Variants in TWIST2 observed in about 807,000 individuals in gnomAD.
TWIST2 encodes twist-related protein 2.
Under a neutral mutation model 11.6 loss-of-function variants are expected in TWIST2, and 1 was observed. The ratio of observed to expected loss-of-function variants is 0.09; its 90% CI spans 0.03 to 0.41. The LOEUF (loss-of-function observed/expected upper bound fraction) is 0.41, where lower values mean the gene tolerates loss of function less well. Among genes scored for constraint, TWIST2 ranks in the 10% least tolerant of loss-of-function variants. The probability of loss-of-function intolerance (pLI) is 0.98; values close to 1 mark genes in which losing one functional copy is unlikely to be tolerated. For synonymous variants in TWIST2, 87 were observed against 96.6 expected (o/e 0.90, Z 0.58); for missense variants, 168 against 226.4 (o/e 0.74, Z 1.66).
intron 1 of TWIST2, among the ~76,000 whole-genome samples, chr2:238,855,391 C>T (rs36156327): frequency 0.21 from 32,107 of 152,082 alleles, 3,878 homozygotes; most frequent in South Asian, 0.37. Context: ...ATTAATTTTC[C>T]TGAAATCAAA....
At chr2:238,885,488 C>T (rs1300715955) in intron 1 of TWIST2, among the ~76,000 whole-genome samples, 8 of 152,202 alleles carry the variant, frequency 5.3e-5, no homozygotes, top group African/African-American at 1.2e-4. Flanking sequence ...ACGTCTACTG[C>T]GTCAGCCATA....
chr2:238,857,334 A>G (rs1692350214), intron 1 of TWIST2, among the ~76,000 whole-genome samples: 1 of 152,200 alleles, frequency 6.6e-6, no homozygotes, highest in South Asian at 2.1e-4. Flanking sequence ...CGTGCTGATG[A>G]ATGTCTGAGC....
chr2:238,890,472 C>T (rs1693113544), intron 1 of TWIST2, among the ~76,000 whole-genome samples: 1 of 152,212 alleles, frequency 6.6e-6, no homozygotes, highest in African/African-American at 2.4e-5. Context: ...CCACACGATC[C>T]AGGTGATCCT....
intron 1 of TWIST2, among the ~76,000 whole-genome samples, chr2:238,900,651 A>G (rs1271055704): frequency 4.6e-5 from 7 of 152,070 alleles, no homozygotes; most frequent in Admixed American, 2.6e-4. Context: ...CTCGCTGGGT[A>G]TGGACTTTCG....
intron 1 of TWIST2, among the ~76,000 whole-genome samples, chr2:238,868,439 G>T (rs1014501987): frequency 2.2e-4 from 34 of 152,350 alleles, no homozygotes; most frequent in Middle Eastern, 6.8e-3. Context: ...CAGGGGCAGG[G>T]TGGAGAGCCT....
chr2:238,865,596 G>A (rs552280995), intron 1 of TWIST2, among the ~76,000 whole-genome samples: 13 of 152,162 alleles, frequency 8.5e-5, no homozygotes, highest in Non-Finnish European at 1.8e-4. Flanking sequence ...CCCACCTGGC[G>A]TCTCCTGGCT....
At chr2:238,883,577 A>G (rs1401576885) in intron 1 of TWIST2, among the ~76,000 whole-genome samples, 2 of 152,234 alleles carry the variant, frequency 1.3e-5, no homozygotes, top group East Asian at 1.9e-4. Flanking sequence ...TTTAACTCCA[A>G]TAGAAGGAGA....
In TWIST2 at chr2:238,864,364, C is replaced by G. The variant is rs979990492; in HGVS notation, c.*35+15631C>G. On this transcript the variant is annotated intron_variant, in intron 1 of 1. Coordinates refer to ENST00000612363, the MANE Select transcript of TWIST2 (RefSeq NM_001271893.4). This position sits in a 1 kb window ranked among gnomAD's most constrained non-coding sequence, Gnocchi z 4.7. ...CAAGAGGTTAACTGCCAGGGTTAGT[C>G]CCCTCCGCGGGCCTCCTGCATGAAT... 2.6e-5 allele frequency among the ~76,000 whole-genome samples: 4 copies of G among 152,250 alleles called. No individual in the cohort carries two copies. Among genetic ancestry groups the G allele is most frequent in the Non-Finnish European group, 5.9e-5 (4 of 68,046 alleles).
At chr2:238,873,675 G>A (rs571869549) in intron 1 of TWIST2, among the ~76,000 whole-genome samples, 37 of 152,344 alleles carry the variant, frequency 2.4e-4, no homozygotes, top group Non-Finnish European at 4.3e-4. Flanking sequence ...AATGCACGGT[G>A]CCAGGGGAGG....
intron 1 of TWIST2, among the ~76,000 whole-genome samples, chr2:238,903,094 T>G: frequency 9.0e-6 from 1 of 110,652 alleles, no homozygotes; most frequent in African/African-American, 3.9e-5. Flanking sequence ...GTGTGTGCTG[T>G]GGGGTATGTG....
chr2:238,865,908 T>C (rs903283867), intron 1 of TWIST2, among the ~76,000 whole-genome samples: 1 of 152,158 alleles, frequency 6.6e-6, no homozygotes, highest in South Asian at 2.1e-4. Context: ...CACTCCACCG[T>C]ACAGTGCCCC....
At chr2:238,870,441 C>G (rs1444025830) in intron 1 of TWIST2, among the ~76,000 whole-genome samples, 2 of 105,610 alleles carry the variant, frequency 1.9e-5, no homozygotes, top group Non-Finnish European at 4.0e-5. Flanking sequence ...CTACACACAC[C>G]ACACACCCCA....
In TWIST2 at chr2:238,848,191, G is replaced by C. The variant is rs1286532155; in HGVS notation, c.-25G>C. 1.8e-5 allele frequency: 23 copies of C among 1,269,920 alleles called. No homozygotes were observed. The highest frequency in any genetic ancestry group is 2.2e-5 in the Non-Finnish European group (22 of 1,010,348). The allele number at this position is 1,269,920 out of a possible 1,614,324, so 78.7% of individuals were successfully genotyped here. ...CGCGCTCGGCGCCCCGGCGCCCCCA[G>C]CCCCACGCGCGCCGGGCGGGCGCCA... On this transcript the variant is annotated 5_prime_UTR_variant, in exon 1 of 2. Transcript: ENST00000612363.
intron 1 of TWIST2, among the ~76,000 whole-genome samples, chr2:238,870,568 C>CACACACCACACACACAT (rs1692658997): frequency 3.5e-4 from 5 of 14,440 alleles, no homozygotes; most frequent in African/African-American, 7.4e-4. Context: ...ACACCACACA[C>CACACACCACACACACAT]CACACACCAC....
intron 1 of TWIST2, among the ~76,000 whole-genome samples, chr2:238,892,036 C>T (rs530016127): frequency 4.6e-5 from 7 of 152,308 alleles, no homozygotes; most frequent in Middle Eastern, 3.4e-3. Context: ...TGCCGCTGAG[C>T]CATGCGGGTG....
Position 238,871,711 on chromosome 2 carries a change from C to T in TWIST2, c.*35+22978C>T, listed in dbSNP as rs970843612. Among the ~76,000 whole-genome samples the T allele has an allele frequency of 6.9e-5, 10 of 144,914 alleles. 1 individual carries two copies. The highest frequency in any genetic ancestry group is 4.5e-4 in the South Asian group (2 of 4,470). On this transcript the variant is annotated intron_variant, in intron 1 of 1. Coordinates refer to ENST00000612363, the MANE Select transcript of TWIST2 (RefSeq NM_001271893.4). ...CACACACACACGATGGAATGTCATT[C>T]TGCCTTTAAAAAGGAAGGTTGTCTC...
chr2:238,881,391 CTATT>C (rs966480988), intron 1 of TWIST2, among the ~76,000 whole-genome samples: 12 of 150,412 alleles, frequency 8.0e-5, no homozygotes, highest in Middle Eastern at 3.6e-3. Flanking sequence ...GTATTAGTTA[CTATT>C]TATTAGTGTC....
chr2:238,855,852 G>A (rs998350480), intron 1 of TWIST2, among the ~76,000 whole-genome samples: 5 of 152,174 alleles, frequency 3.3e-5, no homozygotes, highest in Non-Finnish European at 5.9e-5. Flanking sequence ...GCCCATAGAT[G>A]TGTGCTCAGC....
rs1693409388 is a variant in TWIST2, at chr2:238,909,117, G to GA, written c.*36-725_*36-724insA. ...TGGTATGTTTGGTGTGTGTGTATGT[G>GA]GGGTGGGGTGTGTTCGTGGGTGTGG... On this transcript the variant is annotated intron_variant, in intron 1 of 1. Coordinates refer to ENST00000612363, the MANE Select transcript of TWIST2 (RefSeq NM_001271893.4). Among the ~76,000 whole-genome samples the GA allele has an allele frequency of 5.0e-4, 4 of 8,032 alleles. No individual in the cohort carries two copies. The South Asian group carries it at 0.017, about 33-fold the overall frequency. The allele number at this position is 8,032 out of a possible 152,430, so 5.3% of individuals were successfully genotyped here.
Sources: allele counts gnomAD v4.1 joint callset (sites outside exome capture counted in the v4.1 genomes callset), GRCh38; gene constraint gnomAD v4.1.1; non-coding constraint Gnocchi (gnomAD v3.1); transcripts MANE v1.5; gene names NCBI Gene and HGNC (gene_info 2026-07-23, HGNC 2026-07-21).